Variants in MAPK10 observed in about 807,000 individuals in gnomAD.
The protein encoded by MAPK10 is JNK3 alpha protein kinase.
In MAPK10, 25 loss-of-function variants were observed where a neutral mutation model predicts 59.3. The observed-to-expected ratio is 0.42, with a 90% CI of 0.31 to 0.59. MAPK10 has a LOEUF of 0.59. MAPK10 is among the 20% of genes least tolerant of loss of function. The pLI is 0.15. For missense variants in MAPK10, 351 were observed against 568.9 expected, an observed-to-expected ratio of 0.62 and a Z score of 3.90; for synonymous variants, 190 against 200.5, an observed-to-expected ratio of 0.95 and a Z score of 0.44.
At chr4:86,481,571 T>C (rs1753619298) in intron 1 of MAPK10, among the ~76,000 whole-genome samples, 1 of 152,166 alleles carries the variant, frequency 6.6e-6, no homozygotes, top group African/African-American at 2.4e-5. Context: ...ATCCATTATT[T>C]GAGTGTTGAC....
chr4:86,232,186 G>A (rs999532838), intron 2 of MAPK10, among the ~76,000 whole-genome samples: 1 of 152,162 alleles, frequency 6.6e-6, no homozygotes, highest in Admixed American at 6.5e-5. Flanking sequence ...TACAAAAACA[G>A]CTGGTAGACC....
chr4:86,197,067 T>A (rs2149322161), intron 2 of MAPK10, among the ~76,000 whole-genome samples: 1 of 152,298 alleles, frequency 6.6e-6, no homozygotes, highest in African/African-American at 2.4e-5. Context: ...CCATATGAAA[T>A]TTAAAGTAGT....
intron 1 of MAPK10, among the ~76,000 whole-genome samples, chr4:86,501,306 G>A (rs1295061072): frequency 1.3e-5 from 2 of 151,838 alleles, no homozygotes; most frequent in African/African-American, 2.4e-5. Flanking sequence ...GTCTTCAACA[G>A]CTTTCAACCA....
chr4:86,130,894 G>A (rs1311128096), intron 4 of MAPK10, among the ~76,000 whole-genome samples: 1 of 152,144 alleles, frequency 6.6e-6, no homozygotes, highest in Non-Finnish European at 1.5e-5. Flanking sequence ...AAATTTAGAA[G>A]AGACCATACA....
chr4:86,154,729 A>G (rs2067272680), intron 4 of MAPK10, among the ~76,000 whole-genome samples: 2 of 152,134 alleles, frequency 1.3e-5, no homozygotes, highest in Non-Finnish European at 2.9e-5. Context: ...GTTAAAAGCT[A>G]TCACTGATAA....
chr4:86,422,007 C>T (rs182169973), intron 1 of MAPK10, among the ~76,000 whole-genome samples: 2 of 152,138 alleles, frequency 1.3e-5, no homozygotes, highest in Non-Finnish European at 1.5e-5. Flanking sequence ...TCCCAAATAC[C>T]AATTCCTCAG....
chr4:86,062,000 A>G (rs1244245966), intron 11 of MAPK10, among the ~76,000 whole-genome samples: 1 of 152,174 alleles, frequency 6.6e-6, no homozygotes. Context: ...AATAACAGAG[A>G]CATGAATTCT....
chr4:86,195,669 C>T (rs1675898767), intron 2 of MAPK10, among the ~76,000 whole-genome samples: 1 of 151,968 alleles, frequency 6.6e-6, no homozygotes. Flanking sequence ...TTTGCTGCAC[C>T]CATCAACCCA....
At chr4:86,199,806 G>A (rs2082211953) in intron 2 of MAPK10, among the ~76,000 whole-genome samples, 1 of 151,996 alleles carries the variant, frequency 6.6e-6, no homozygotes, top group African/African-American at 2.4e-5. Flanking sequence ...GTTCTGCTGG[G>A]CCTTGTGTAT....
intron 4 of MAPK10, among the ~76,000 whole-genome samples, chr4:86,131,614 G>A (rs1182228822): frequency 1.3e-5 from 2 of 152,196 alleles, no homozygotes; most frequent in Non-Finnish European, 2.9e-5. Context: ...ACAACTCTAT[G>A]ATTGAATTAC....
chr4:86,553,100 T>C (rs1020862379), intron 1 of MAPK10, among the ~76,000 whole-genome samples: 1 of 152,150 alleles, frequency 6.6e-6, no homozygotes, highest in African/African-American at 2.4e-5. Context: ...CTGACAGACA[T>C]GGCTTTTTGA....
intron 1 of MAPK10, among the ~76,000 whole-genome samples, chr4:86,472,013 A>G (rs1038305436): frequency 6.6e-6 from 1 of 152,208 alleles, no homozygotes; most frequent in Non-Finnish European, 1.5e-5. Context: ...CAATTGCCAT[A>G]ATAAACTGAT....
intron 3 of MAPK10, chr4:86,193,913 G>A (rs999978515): frequency 2.9e-5 from 5 of 170,820 alleles, no homozygotes; most frequent in African/African-American, 4.8e-5. Context: ...TGCAGGTTGC[G>A]AAGACCATCG....
Position 86,377,178 on chromosome 4 carries a change from A to T in MAPK10, c.-121-22534T>A, listed in dbSNP as rs139917473. ...CAGTGCTTAAGATTGTCATTGTCTCATCAGATTAACACTAGCACTCTGATG... is the reference window on the plus strand; with the variant it reads ...CAGTGCTTAAGATTGTCATTGTCTCTTCAGATTAACACTAGCACTCTGATG... On this transcript the variant is annotated intron_variant, in intron 1 of 13. Transcript: ENST00000361569. Among the ~76,000 whole-genome samples, 669 of 152,238 alleles carry T rather than the reference A, an allele frequency of 4.4e-3. 4 individuals carry two copies. Among genetic ancestry groups the T allele is most frequent in the African/African-American group, 0.015 (630 of 41,550 alleles).
At chr4:86,125,287 A>G (rs2059894724) in intron 4 of MAPK10, 1 of 151,906 alleles carries the variant, frequency 6.6e-6, no homozygotes, top group African/African-American at 2.4e-5. Flanking sequence ...AAAATATCAG[A>G]AATTTCAGCA....
intron 1 of MAPK10, among the ~76,000 whole-genome samples, chr4:86,548,154 C>T (rs925366545): frequency 9.9e-5 from 15 of 152,178 alleles, no homozygotes; most frequent in Admixed American, 4.6e-4. Context: ...CCGCGAAGGT[C>T]TGCAGCTTCA....
chr4:86,372,779 T>G (rs954992939), intron 1 of MAPK10, among the ~76,000 whole-genome samples: 5 of 152,064 alleles, frequency 3.3e-5, no homozygotes, highest in African/African-American at 9.7e-5. Context: ...AGAGGGAAAT[T>G]TATAGCACTA....
chr4:86,338,732 GA>G (rs1398418782), intron 2 of MAPK10, among the ~76,000 whole-genome samples: 3 of 152,102 alleles, frequency 2.0e-5, no homozygotes, highest in African/African-American at 7.2e-5. Context: ...TTATTATACT[GA>G]AAAGTACTCC....
intron 1 of MAPK10, among the ~76,000 whole-genome samples, chr4:86,416,720 GC>G (rs1309089893): frequency 6.6e-6 from 1 of 152,188 alleles, no homozygotes; most frequent in Non-Finnish European, 1.5e-5. Context: ...AGATGTAGGA[GC>G]CCAGAAGCAG....
Sources: allele counts gnomAD v4.1 joint callset (sites outside exome capture counted in the v4.1 genomes callset), GRCh38; gene constraint gnomAD v4.1.1; transcripts MANE v1.5; gene names NCBI Gene and HGNC (gene_info 2026-07-23, HGNC 2026-07-21).